Variants in PARVA observed in about 807,000 individuals in gnomAD.
The protein encoded by PARVA is alpha-parvin.
In PARVA, 25 loss-of-function variants were observed where a neutral mutation model predicts 52.6. The observed-to-expected ratio is 0.48, with a 90% CI of 0.35 to 0.66. The LOEUF (loss-of-function observed/expected upper bound fraction) is 0.66. Among genes scored for constraint, PARVA ranks in the 30% least tolerant of loss-of-function variants. PARVA has a pLI of 0.01. For missense variants in PARVA, 373 were observed against 450.9 expected (o/e 0.83, Z 1.56); for synonymous variants, 185 against 179.1 (o/e 1.03, Z -0.26).
intron 4 of PARVA, among the ~76,000 whole-genome samples, chr11:12,487,786 A>G (rs754924168): frequency 1.3e-4 from 20 of 152,342 alleles, no homozygotes; most frequent in Non-Finnish European, 2.6e-4. Context: ...ACTACATAGA[A>G]AAAGGCATGG....
chr11:12,436,162 TCTG>T (rs1940384687), intron 1 of PARVA, among the ~76,000 whole-genome samples: 1 of 152,170 alleles, frequency 6.6e-6, no homozygotes, highest in South Asian at 2.1e-4. Flanking sequence ...ATCTCCCTCT[TCTG>T]AGGATTAGGG....
At chr11:12,433,664 G>C (rs1001945019) in intron 1 of PARVA, among the ~76,000 whole-genome samples, 1 of 152,194 alleles carries the variant, frequency 6.6e-6, no homozygotes, top group African/African-American at 2.4e-5. Flanking sequence ...GATTGGCAGA[G>C]ACCTTAGAGG....
At chr11:12,448,715 G>C (rs1940580741) in intron 1 of PARVA, among the ~76,000 whole-genome samples, 1 of 152,206 alleles carries the variant, frequency 6.6e-6, no homozygotes, top group East Asian at 1.9e-4. Flanking sequence ...ACAGCTGAAG[G>C]TCAGCTGGTC....
intron 1 of PARVA, among the ~76,000 whole-genome samples, chr11:12,394,256 G>C (rs773189436): frequency 6.6e-6 from 1 of 152,170 alleles, no homozygotes; most frequent in African/African-American, 2.4e-5. Context: ...TTGAAGGGAA[G>C]AAGAAAGAAG....
intron 1 of PARVA, among the ~76,000 whole-genome samples, chr11:12,431,502 C>G (rs186987942): frequency 9.8e-5 from 15 of 152,324 alleles, no homozygotes; most frequent in Admixed American, 8.5e-4. Context: ...ACCCAAGGCC[C>G]CTTCTCTGAA....
At chr11:12,523,252 C>T (rs1941661208) in intron 12 of PARVA, among the ~76,000 whole-genome samples, 1 of 152,096 alleles carries the variant, frequency 6.6e-6, no homozygotes, top group African/African-American at 2.4e-5. Context: ...GGTAGAGATG[C>T]GAGACAGGAT....
rs1564857435 is a variant in PARVA at position 12,477,831 on chromosome 11, T to TTC, written c.298-6_298-5dup. On this transcript the variant is annotated splice_polypyrimidine_tract_variant and intron_variant, in intron 3 of 12. Transcript: ENST00000334956. ...CTTTTCTTACTATTGCACATTCCCTTTCTCTCTCTCTGTAGGTATTAATTG... is the reference window on the plus strand; with the variant it reads ...CTTTTCTTACTATTGCACATTCCCTTTCTCTCTCTCTCTGTAGGTATTAATTG... 1.7e-5 allele frequency: 23 copies of TTC among 1,352,366 alleles called. No homozygotes were observed. Among genetic ancestry groups the TTC allele is most frequent in the Non-Finnish European group, 2.3e-5 (22 of 941,182 alleles). The allele number at this position is 1,352,366 out of a possible 1,614,324, so 83.8% of individuals were successfully genotyped here. A position where few individuals can be genotyped will look rare whatever the true frequency, so the allele number is the denominator to read the frequency against.
chr11:12,471,873 T>G (rs182967934), intron 1 of PARVA, among the ~76,000 whole-genome samples: 2 of 152,344 alleles, frequency 1.3e-5, no homozygotes, highest in African/African-American at 4.8e-5. Context: ...AGCAAGTTCC[T>G]TCATTGGCCA....
chr11:12,482,662 C>T (rs953634018), intron 4 of PARVA, among the ~76,000 whole-genome samples: 5 of 151,534 alleles, frequency 3.3e-5, no homozygotes, highest in South Asian at 2.1e-4. Context: ...AATTGACTCA[C>T]GGTTCCACAT....
At chr11:12,476,146 A>G (rs1941011364) in intron 3 of PARVA, among the ~76,000 whole-genome samples, 1 of 152,158 alleles carries the variant, frequency 6.6e-6, no homozygotes, top group Non-Finnish European at 1.5e-5. Flanking sequence ...TTGATCTCCC[A>G]GACCTAGACC....
At chr11:12,527,251 A>G (rs1412487171) in intron 12 of PARVA, among the ~76,000 whole-genome samples, 1 of 151,908 alleles carries the variant, frequency 6.6e-6, no homozygotes, top group Admixed American at 6.6e-5. Flanking sequence ...GGGGGCACGG[A>G]AGAAGGGAGG....
intron 1 of PARVA, among the ~76,000 whole-genome samples, chr11:12,456,727 T>A (rs979888020): frequency 1.3e-5 from 2 of 152,130 alleles, no homozygotes; most frequent in African/African-American, 2.4e-5. Context: ...AAGAAGCAAC[T>A]GAAGCATGTC....
chr11:12,486,703 G>A (rs1013419483), intron 4 of PARVA, among the ~76,000 whole-genome samples: 5 of 151,680 alleles, frequency 3.3e-5, no homozygotes, highest in Non-Finnish European at 5.9e-5. Flanking sequence ...AAAATTAGTG[G>A]GGCATGGTGG....
At chr11:12,460,785 A>G (rs1226087598) in intron 1 of PARVA, among the ~76,000 whole-genome samples, 1 of 152,232 alleles carries the variant, frequency 6.6e-6, no homozygotes, top group African/African-American at 2.4e-5. Context: ...TGAAGGTCAA[A>G]GAGCCACAGA....
At chr11:12,478,416 G>A in intron 4 of PARVA, 1 of 260,922 alleles carries the variant, frequency 3.8e-6, no homozygotes, top group Non-Finnish European at 7.5e-6. Context: ...CTTTGCAGCT[G>A]TTCATGTGAA....
intron 1 of PARVA, among the ~76,000 whole-genome samples, chr11:12,410,999 A>C (rs1939985342): frequency 1.3e-5 from 2 of 152,166 alleles, no homozygotes; most frequent in Admixed American, 6.6e-5. Context: ...GACGATCCCT[A>C]GTTCATGAGG....
chr11:12,507,887 T>A (rs1941451803), intron 6 of PARVA, among the ~76,000 whole-genome samples: 1 of 151,874 alleles, frequency 6.6e-6, no homozygotes, highest in Admixed American at 6.6e-5. Context: ...TTGTTCTAAC[T>A]CCAGCACAGG....
In PARVA at chr11:12,492,087, T is replaced by TA. The variant is rs555694551; in HGVS notation, c.401-4370dup. 2.8e-4 allele frequency among the ~76,000 whole-genome samples: 43 copies of TA among 152,334 alleles called. 1 individual carries two copies. The East Asian group carries it at 7.9e-3, about 28-fold the overall frequency. On this transcript the variant is annotated intron_variant, in intron 4 of 12. Coordinates refer to ENST00000334956, the MANE Select transcript of PARVA (RefSeq NM_018222.5). ...CATATTTTAGTTCTTGAAGGGTGGT[T>TA]ACGTTAATATAGTGTGGTATATATG...
In PARVA at chr11:12,387,554, C is replaced by CGTGTGT. The variant is rs10642760; in HGVS notation, c.136+9786_136+9791dup. ...TTCTATCCAGGTCTCTATTTTTGAG[C>CGTGTGT]GTGTGTGTGTGTGTGTGTGTATGTA... On this transcript the variant is annotated intron_variant, in intron 1 of 12. Transcript: ENST00000334956. 6.7e-3 allele frequency among the ~76,000 whole-genome samples: 998 copies of CGTGTGT among 149,220 alleles called. 13 individuals are homozygous for CGTGTGT. The highest frequency in any genetic ancestry group is 0.023 in the African/African-American group (931 of 40,846).
Sources: gnomAD v4.1 joint callset for allele counts (sites outside exome capture counted in the v4.1 genomes callset) on GRCh38, gnomAD v4.1.1 for gene constraint, MANE v1.5 for transcripts, NCBI Gene and HGNC (gene_info 2026-07-23, HGNC 2026-07-21) for gene names.